IL1RAPL2: variants seen among roughly 807,000 people sequenced by gnomAD.
IL1RAPL2 encodes interleukin 1 receptor accessory protein like 2, also known as X-linked interleukin-1 receptor accessory protein-like 2.
In IL1RAPL2, 3 loss-of-function variants were observed where a neutral mutation model predicts 44.1. That is an observed-to-expected ratio of 0.07 (90% CI 0.03 to 0.18). The LOEUF is 0.18. Among genes scored for constraint, IL1RAPL2 ranks in the 10% least tolerant of loss-of-function variants. The pLI, the probability that IL1RAPL2 is intolerant of heterozygous loss-of-function variation, is 1.00. For synonymous variants in IL1RAPL2, 181 were observed against 178.8 expected, an observed-to-expected ratio of 1.01 and a Z score of -0.10; for missense variants, 391 against 496.4, an observed-to-expected ratio of 0.79 and a Z score of 2.02.
chrX:104,621,351 TC>T (rs999551460), intron 1 of IL1RAPL2, among the ~76,000 whole-genome samples: 9 of 108,880 alleles, frequency 8.3e-5, no homozygotes, highest in Admixed American at 2.0e-4. Flanking sequence ...AATTCTGCTC[TC>T]CCCCATTGCA....
At chrX:104,816,908 T>C (rs920584164) in intron 2 of IL1RAPL2, among the ~76,000 whole-genome samples, 1 of 112,722 alleles carries the variant, frequency 8.9e-6, no homozygotes, top group African/African-American at 3.2e-5. Context: ...GGTAGCTGCT[T>C]TGAAGTTTCA....
At chrX:104,936,431 T>C (rs2147700034) in intron 2 of IL1RAPL2, among the ~76,000 whole-genome samples, 1 of 110,512 alleles carries the variant, frequency 9.0e-6, no homozygotes, top group Admixed American at 9.7e-5. Context: ...TGGGTTAAGG[T>C]CAAAAATGCT....
At chrX:105,223,801 G>A (rs181616347) in intron 3 of IL1RAPL2, among the ~76,000 whole-genome samples, 3 of 111,437 alleles carry the variant, frequency 2.7e-5, no homozygotes, top group East Asian at 2.8e-4. Context: ...GTGTTGGAGC[G>A]GAAAATGATT....
chrX:105,111,528 T>C (rs1343173863), intron 2 of IL1RAPL2, among the ~76,000 whole-genome samples: 7 of 112,036 alleles, frequency 6.2e-5, no homozygotes, highest in African/African-American at 2.3e-4. Context: ...CTTTTAACTT[T>C]CTTGACTTAG....
Position 105,042,141 on chromosome X carries a change from C to T in IL1RAPL2, c.83-153334C>T, listed in dbSNP as rs1184478448. On this transcript the variant is annotated intron_variant, in intron 2 of 10. Coordinates refer to ENST00000372582, the MANE Select transcript of IL1RAPL2 (RefSeq NM_017416.2). Reference sequence around the variant, plus strand: ...TAAAAACCCTAGAAGAAAACCTAGGCAATACCATTCAGGACATAGGCATTG... The same window carrying T: ...TAAAAACCCTAGAAGAAAACCTAGGTAATACCATTCAGGACATAGGCATTG... Among the ~76,000 whole-genome samples the T allele has an allele frequency of 2.8e-3, 314 of 111,217 alleles. 2 individuals carry two copies. The highest frequency in any genetic ancestry group is 9.7e-3 in the African/African-American group (297 of 30,578).
intron 3 of IL1RAPL2, among the ~76,000 whole-genome samples, chrX:105,226,047 G>A (rs1203012145): frequency 9.0e-6 from 1 of 111,679 alleles, no homozygotes; most frequent in African/African-American, 3.3e-5. Context: ...TTATAGCCTT[G>A]GAAAATACAG....
intron 2 of IL1RAPL2, among the ~76,000 whole-genome samples, chrX:104,872,889 A>G (rs1409189855): frequency 9.0e-6 from 1 of 111,560 alleles, no homozygotes; most frequent in African/African-American, 3.3e-5. Context: ...TATAAAATAC[A>G]TGAGAAACCT....
intron 6 of IL1RAPL2, among the ~76,000 whole-genome samples, chrX:105,613,667 G>A (rs780162201): frequency 2.7e-5 from 3 of 111,511 alleles, no homozygotes; most frequent in Non-Finnish European, 3.8e-5. Context: ...AAGAGTCCTC[G>A]GGCCTTAAGG....
chrX:104,922,701 C>A (rs1924675183), intron 2 of IL1RAPL2, among the ~76,000 whole-genome samples: 1 of 111,590 alleles, frequency 9.0e-6, no homozygotes, highest in Non-Finnish European at 1.9e-5. Context: ...TAGAAAGTGA[C>A]AGCTTCTACA....
At chrX:105,726,041 C>T (rs2038348423) in intron 7 of IL1RAPL2, among the ~76,000 whole-genome samples, 1 of 111,005 alleles carries the variant, frequency 9.0e-6, no homozygotes, top group East Asian at 2.9e-4. Flanking sequence ...ATACTAAAAG[C>T]CTACCTAAAA....
At chrX:105,587,298 T>C (rs905293719) in intron 6 of IL1RAPL2, among the ~76,000 whole-genome samples, 4 of 111,706 alleles carry the variant, frequency 3.6e-5, no homozygotes, top group African/African-American at 1.3e-4. Context: ...TATAGTTAGG[T>C]CTACTTTTCT....
intron 2 of IL1RAPL2, among the ~76,000 whole-genome samples, chrX:104,984,792 G>C (rs996035169): frequency 3.6e-5 from 4 of 111,863 alleles, no homozygotes; most frequent in African/African-American, 1.3e-4. Context: ...AAACAGCAGA[G>C]AGTAGGGATG....
intron 5 of IL1RAPL2, among the ~76,000 whole-genome samples, chrX:105,281,266 A>C (rs2858230): frequency 0.26 from 28,017 of 109,853 alleles, 7,491 homozygotes; most frequent in African/African-American, 0.81. Flanking sequence ...CACACCGGGG[A>C]CTTTTGGGGA....
At chrX:104,818,627 A>G (rs1466259016) in intron 2 of IL1RAPL2, among the ~76,000 whole-genome samples, 3 of 111,278 alleles carry the variant, frequency 2.7e-5, no homozygotes, top group African/African-American at 9.8e-5. Context: ...GTGTTTCAAG[A>G]AGAGAGTAAT....
chrX:105,619,031 C>G (rs973797983), intron 6 of IL1RAPL2, among the ~76,000 whole-genome samples: 7 of 110,734 alleles, frequency 6.3e-5, no homozygotes, highest in Non-Finnish European at 1.3e-4. Flanking sequence ...CTCTAGAGTT[C>G]TTAGTCGGGA....
At chrX:104,937,590 A>G (rs1246971014) in intron 2 of IL1RAPL2, among the ~76,000 whole-genome samples, 1 of 112,480 alleles carries the variant, frequency 8.9e-6, no homozygotes, top group East Asian at 2.8e-4. Context: ...CTGACTAGGC[A>G]ACTGCCTTCC....
At chrX:104,639,607 G>A (rs1220864468) in intron 1 of IL1RAPL2, among the ~76,000 whole-genome samples, 1 of 111,149 alleles carries the variant, frequency 9.0e-6, no homozygotes, top group Non-Finnish European at 1.9e-5. Context: ...TTACCAGTGA[G>A]TTTTATACTT....
intron 1 of IL1RAPL2, among the ~76,000 whole-genome samples, chrX:104,628,991 G>A (rs1929577892): frequency 9.0e-6 from 1 of 111,541 alleles, no homozygotes; most frequent in Admixed American, 9.6e-5. Flanking sequence ...GGAGATAGAC[G>A]GGTATGGATA....
At chrX:104,615,145 A>C (rs1929243362) in intron 1 of IL1RAPL2, among the ~76,000 whole-genome samples, 1 of 111,567 alleles carries the variant, frequency 9.0e-6, no homozygotes, top group Admixed American at 9.5e-5. Flanking sequence ...ATGTTTAGAA[A>C]TCCCTTAAGG....
Sources: gnomAD v4.1 joint callset for allele counts (sites outside exome capture counted in the v4.1 genomes callset) on GRCh38, gnomAD v4.1.1 for gene constraint, MANE v1.5 for transcripts, NCBI Gene and HGNC (gene_info 2026-07-23, HGNC 2026-07-21) for gene names.